TBATA: variants seen among roughly 807,000 people sequenced by gnomAD.
TBATA encodes thymus, brain and testes associated.
A neutral mutation model predicts 38.7 loss-of-function variants in TBATA; 47 were observed. The ratio of observed to expected loss-of-function variants is 1.21; its 90% CI spans 0.96 to 1.55. TBATA has a LOEUF of 1.55. TBATA is among the 40% of genes most tolerant of loss of function. The probability of loss-of-function intolerance (pLI) is 0.00; values close to 1 mark genes in which losing one functional copy is unlikely to be tolerated. For missense variants in TBATA, 436 were observed against 435.6 expected (o/e 1.00, Z -0.01); for synonymous variants, 183 against 170.5 (o/e 1.07, Z -0.57).
intron 3 of TBATA, 138 bp from the exon 4 acceptor site, chr10:70,782,174 C>T: frequency 8.1e-7 from 1 of 1,229,978 alleles, no homozygotes; most frequent in Non-Finnish European, 1.1e-6. Flanking sequence ...CACCACCACC[C>T]CCATAGCACC....
At chr10:70,779,833 C>T (rs981797772) in intron 4 of TBATA, 91 bp from the exon 5 acceptor site, 30 of 1,316,162 alleles carry the variant, frequency 2.3e-5, no homozygotes, top group Middle Eastern at 3.7e-4. Flanking sequence ...CAGGGTGATT[C>T]CGGCTCCACC....
In TBATA at chr10:70,781,736, T is replaced by C. The variant is rs1439800590; in HGVS notation, c.277+65A>G. On this transcript the variant is annotated intron_variant, in intron 4 of 10. Coordinates refer to ENST00000456372, the MANE Select transcript of TBATA (RefSeq NM_001318241.2). ...GAAATGGGCTGCCATCAATTCTTGC[T>C]TCCCAGTTCTCAAGACCAATTAGTG... The C allele has an allele frequency of 1.4e-5, 20 of 1,446,266 alleles. No homozygotes were observed. In the South Asian group the frequency reaches 2.1e-4, roughly 15 times the overall value. The allele number at this position is 1,446,266 out of a possible 1,614,324, so 89.6% of individuals were successfully genotyped here.
At chr10:70,773,258 C>G (rs1309079545) in intron 9 of TBATA, among the ~76,000 whole-genome samples, 1 of 152,152 alleles carries the variant, frequency 6.6e-6, no homozygotes, top group Non-Finnish European at 1.5e-5. Flanking sequence ...CCTGCTTCTT[C>G]TCACCAAGCC....
intron 6 of TBATA, 33 bp downstream of exon 6, chr10:70,778,524 C>T (rs376213970): frequency 1.2e-6 from 2 of 1,604,312 alleles, no homozygotes; most frequent in Admixed American, 3.3e-5. Context: ...CGTTTCTCCT[C>T]TTCCCAGACT....
At chr10:70,784,481 G>A (rs1844642957) in intron 2 of TBATA, among the ~76,000 whole-genome samples, 166 bp downstream of exon 2, 2 of 152,290 alleles carry the variant, frequency 1.3e-5, no homozygotes, top group South Asian at 4.1e-4. Context: ...AGTGCATTCT[G>A]AGAATTAACC....
intron 5 of TBATA, among the ~76,000 whole-genome samples, chr10:70,779,222 A>G (rs963603623): frequency 6.6e-6 from 1 of 152,244 alleles, no homozygotes; most frequent in Non-Finnish European, 1.5e-5. Flanking sequence ...CCAAGCCAGC[A>G]CTGTGGCTGA....
chr10:70,774,164 C>T (rs1843087262), intron 9 of TBATA, 49 bp downstream of exon 9: 6 of 1,602,506 alleles, frequency 3.7e-6, no homozygotes, highest in Non-Finnish European at 5.1e-6. Flanking sequence ...CTGGCCTCAC[C>T]TGGGAGGACA....
chr10:70,772,236 G>A (rs1564571782), intron 10 of TBATA: 1 of 634,028 alleles, frequency 1.6e-6, no homozygotes. Context: ...CTCCCCAGGT[G>A]TTTTAATTTG....
chr10:70,774,442 C>T, intron 8 of TBATA, 85 bp from the exon 9 acceptor site: 1 of 1,382,566 alleles, frequency 7.2e-7, no homozygotes, highest in Non-Finnish European at 9.8e-7. Flanking sequence ...GGCCTCCATC[C>T]AGGGCAGCTT....
chr10:70,784,244 G>A (rs1844613683), intron 2 of TBATA, among the ~76,000 whole-genome samples: 1 of 152,206 alleles, frequency 6.6e-6, no homozygotes, highest in Non-Finnish European at 1.5e-5. Flanking sequence ...AAGGCGGGGA[G>A]GGGAAGTGTG....
Position 70,783,399 on chromosome 10 carries a change from T to C in TBATA, c.-20A>G, listed in dbSNP as rs769315319. ...AGCCATTGTATGCTTTTTAACAGACTAAAGGCCAGTGCACTTAATACTAGC... is the reference window on the plus strand; with the variant it reads ...AGCCATTGTATGCTTTTTAACAGACCAAAGGCCAGTGCACTTAATACTAGC... On this transcript the variant is annotated 5_prime_UTR_variant, in exon 3 of 11. Coordinates refer to ENST00000456372, the MANE Select transcript of TBATA (RefSeq NM_001318241.2). The C allele has an allele frequency of 5.6e-6, 9 of 1,613,874 alleles. No individual in the cohort carries two copies. The Middle Eastern group carries it at 4.9e-4, about 88-fold the overall frequency.
intron 3 of TBATA, chr10:70,782,394 A>G (rs1844340036): frequency 6.1e-6 from 8 of 1,316,564 alleles, no homozygotes; most frequent in Non-Finnish European, 7.9e-6. Context: ...GTCACCTTAT[A>G]TACATCCCTG....
chr10:70,781,172 T>C (rs947501823), intron 4 of TBATA, among the ~76,000 whole-genome samples: 1 of 152,228 alleles, frequency 6.6e-6, no homozygotes, highest in African/African-American at 2.4e-5. Context: ...CCTTCTGGAC[T>C]TTGTATTTGC....
At chr10:70,780,899 A>C (rs893288713) in intron 4 of TBATA, among the ~76,000 whole-genome samples, 1 of 152,102 alleles carries the variant, frequency 6.6e-6, no homozygotes, top group Admixed American at 6.5e-5. Context: ...TGAGTCTTCC[A>C]CTTCTAGCCC....
At chr10:70,782,215 C>T (rs1589420149) in intron 3 of TBATA, 179 bp from the exon 4 acceptor site, 1 of 1,341,232 alleles carries the variant, frequency 7.5e-7, no homozygotes, top group Non-Finnish European at 1.0e-6. Context: ...AGTCCTTTCC[C>T]AACTGGTGCA....
intron 9 of TBATA, among the ~76,000 whole-genome samples, 171 bp from the exon 10 acceptor site, chr10:70,772,737 C>T (rs1410375859): frequency 6.6e-6 from 1 of 152,148 alleles, no homozygotes; most frequent in Non-Finnish European, 1.5e-5. Context: ...CTGTCCATGA[C>T]TAGCACCCAG....
chr10:70,781,943 C>A lies in TBATA; in HGVS notation c.135G>T (p.Gly45=). The A allele has an allele frequency of 6.2e-7, 1 of 1,614,236 alleles. No homozygotes were observed. The highest frequency in any genetic ancestry group is 8.5e-7 in the Non-Finnish European group (1 of 1,180,050). The change falls in exon 4 of 11, where the codon GGG becomes GGT. Residue 45 remains glycine (G), a synonymous_variant. Transcript: ENST00000456372. ...GGCGGATCCGCTCGAAATCCACAAT[C>A]CCTGGGATCACCAGTTCTTTCTGTG... ...SGPQKELVIP[G]IVDFERIRRA...
chr10:70,772,182 A>G (rs1244784972), intron 10 of TBATA: 2 of 529,930 alleles, frequency 3.8e-6, no homozygotes, highest in South Asian at 3.1e-5. Flanking sequence ...CTCACTACTG[A>G]CCACAGAGCC....
intron 10 of TBATA, among the ~76,000 whole-genome samples, 170 bp from the exon 11 acceptor site, chr10:70,771,631 G>A (rs1353470991): frequency 1.3e-5 from 2 of 152,178 alleles, no homozygotes; most frequent in Admixed American, 6.5e-5. Context: ...GGAATGGAGC[G>A]AATGGAATCC....
Sources: allele counts gnomAD v4.1 joint callset (sites outside exome capture counted in the v4.1 genomes callset), GRCh38; gene constraint gnomAD v4.1.1; transcripts MANE v1.5; gene names NCBI Gene and HGNC (gene_info 2026-07-23, HGNC 2026-07-21).